SORCS2: variants seen among roughly 807,000 people sequenced by gnomAD.
The protein encoded by SORCS2 is sortilin related VPS10 domain containing receptor 2.
SORCS2 carries 100 observed loss-of-function variants against 141.6 expected under a neutral mutation model. The ratio of observed to expected loss-of-function variants is 0.71; its 90% CI spans 0.60 to 0.83. The LOEUF (loss-of-function observed/expected upper bound fraction) is 0.83. SORCS2 is among the 40% of genes least tolerant of loss of function. SORCS2 has a pLI of 0.00. For missense variants in SORCS2, 1,646 were observed against 1,560.2 expected, an observed-to-expected ratio of 1.05 and a Z score of -0.93; for synonymous variants, 789 against 676.9, an observed-to-expected ratio of 1.17 and a Z score of -2.57.
intron 3 of SORCS2, among the ~76,000 whole-genome samples, chr4:7,592,291 G>A (rs894901582): frequency 6.6e-6 from 1 of 152,040 alleles, no homozygotes; most frequent in Admixed American, 6.5e-5. Flanking sequence ...ATCTGGGCAC[G>A]CTGGTATTTT....
rs1326876338 is a variant in SORCS2 at position 7,741,794 on chromosome 4, C to T, written c.*1530C>T. On this transcript the variant is annotated 3_prime_UTR_variant, in exon 27 of 27. Transcript: ENST00000507866. ...GCAGACGTTCTCCCATCCACCATGT[C>T]TGAGCTTGGGGGAATTGCCTCATTT... 2 of 152,836 alleles carry T rather than the reference C, an allele frequency of 1.3e-5. No homozygotes were observed. Among genetic ancestry groups the T allele is most frequent in the African/African-American group, 4.8e-5 (2 of 41,468 alleles). The allele number at this position is 152,836 out of a possible 1,614,324, so 9.5% of individuals were successfully genotyped here.
intron 2 of SORCS2, among the ~76,000 whole-genome samples, chr4:7,508,778 G>T (rs1372743082): frequency 1.3e-5 from 2 of 152,208 alleles, no homozygotes; most frequent in Admixed American, 6.5e-5. Context: ...GCACGCATCA[G>T]TGCTCAGAGA....
intron 1 of SORCS2, among the ~76,000 whole-genome samples, chr4:7,375,908 T>A (rs1482947376): frequency 1.3e-5 from 2 of 152,184 alleles, no homozygotes; most frequent in Non-Finnish European, 2.9e-5. Flanking sequence ...CGCAGGTTAC[T>A]TGCCTCTCTG....
intron 3 of SORCS2, among the ~76,000 whole-genome samples, chr4:7,588,758 ACATGCATTCATTCATT>A (rs986604634): frequency 6.6e-6 from 1 of 152,180 alleles, no homozygotes; most frequent in African/African-American, 2.4e-5. Context: ...GAGAACACTG[ACATGCATTCATTCATT>A]CATGCATTCA....
At chr4:7,285,539 T>C (rs1577355621) in intron 1 of SORCS2, among the ~76,000 whole-genome samples, 1 of 152,338 alleles carries the variant, frequency 6.6e-6, no homozygotes, top group East Asian at 1.9e-4. Flanking sequence ...AATTTTCCGG[T>C]GTTCCTCCCT....
intron 1 of SORCS2, among the ~76,000 whole-genome samples, chr4:7,240,356 C>T (rs568289782): frequency 3.3e-5 from 5 of 152,328 alleles, no homozygotes; most frequent in Admixed American, 1.3e-4. Flanking sequence ...CAGCAAATTA[C>T]CTCGATGAGT....
At chr4:7,694,526 A>G (rs1336672873) in intron 11 of SORCS2, among the ~76,000 whole-genome samples, 1 of 152,056 alleles carries the variant, frequency 6.6e-6, no homozygotes, top group Non-Finnish European at 1.5e-5. Context: ...ATTTGAAATT[A>G]CAAACTGCAA....
At position 7,733,468 on chromosome 4, in the gene SORCS2, G is replaced by C. The variant is rs769818155; in HGVS notation, c.3208+47G>C. ...TGCGGAATGGGTGGAGGAGGCATCCGGGCCCTGGAGAAGCCATGTCCCTGC... is the reference window on the plus strand; with the variant it reads ...TGCGGAATGGGTGGAGGAGGCATCCCGGCCCTGGAGAAGCCATGTCCCTGC... On this transcript the variant is annotated intron_variant, in intron 24 of 26. Transcript: ENST00000507866. 15 of 1,459,298 alleles carry C rather than the reference G, an allele frequency of 1.0e-5. No homozygotes were observed. The South Asian group carries it at 1.9e-4, about 19-fold the overall frequency. The allele number at this position is 1,459,298 out of a possible 1,614,324, so 90.4% of individuals were successfully genotyped here. A position where few individuals can be genotyped will look rare whatever the true frequency, so the allele number is the denominator to read the frequency against.
At chr4:7,221,617 G>A (rs1728710110) in intron 1 of SORCS2, among the ~76,000 whole-genome samples, 1 of 152,222 alleles carries the variant, frequency 6.6e-6, no homozygotes, top group Non-Finnish European at 1.5e-5. Context: ...ACATGCTTTG[G>A]GCCCGTGAGG....
intron 3 of SORCS2, among the ~76,000 whole-genome samples, chr4:7,570,074 G>A (rs1395943290): frequency 1.3e-5 from 2 of 152,148 alleles, no homozygotes; most frequent in Admixed American, 1.3e-4. Flanking sequence ...CCCATAAATC[G>A]GATCCTGGCT....
chr4:7,344,971 C>T (rs969841089), intron 1 of SORCS2, among the ~76,000 whole-genome samples: 2 of 152,056 alleles, frequency 1.3e-5, no homozygotes, highest in Non-Finnish European at 2.9e-5. Context: ...CCCCTCCAGT[C>T]TGCTTTTGAC....
chr4:7,433,034 A>T, intron 2 of SORCS2: 1 of 289,624 alleles, frequency 3.5e-6, no homozygotes, highest in Middle Eastern at 9.5e-4. Flanking sequence ...CACCGGCAAC[A>T]TCTCAGCCTT....
chr4:7,528,315 G>T (rs940680630), intron 2 of SORCS2, among the ~76,000 whole-genome samples: 16 of 152,244 alleles, frequency 1.1e-4, no homozygotes, highest in African/African-American at 3.8e-4. Flanking sequence ...GTCTGCAGGA[G>T]TTGGACTTGG....
At chr4:7,593,327 T>C (rs1380123207) in intron 3 of SORCS2, among the ~76,000 whole-genome samples, 1 of 152,210 alleles carries the variant, frequency 6.6e-6, no homozygotes, top group Non-Finnish European at 1.5e-5. Context: ...TAGACTCTGC[T>C]GTTTAACAGG....
chr4:7,539,412 C>G (rs1216030356), intron 3 of SORCS2, among the ~76,000 whole-genome samples: 1 of 152,186 alleles, frequency 6.6e-6, no homozygotes, highest in African/African-American at 2.4e-5. Context: ...GAGGCTGTGC[C>G]CATGTCCGCT....
intron 1 of SORCS2, among the ~76,000 whole-genome samples, chr4:7,366,609 G>A (rs944065063): frequency 2.6e-5 from 4 of 151,610 alleles, no homozygotes; most frequent in African/African-American, 9.7e-5. Flanking sequence ...CATCTGCCTG[G>A]AACCTCCTCC....
intron 2 of SORCS2, among the ~76,000 whole-genome samples, chr4:7,437,754 C>T (rs1727403407): frequency 6.6e-6 from 1 of 151,982 alleles, no homozygotes. Context: ...TGTTGGATTA[C>T]TTAAAGGATG....
intron 2 of SORCS2, among the ~76,000 whole-genome samples, chr4:7,453,732 GGA>G (rs1728659967): frequency 7.6e-6 from 1 of 132,174 alleles, no homozygotes; most frequent in Non-Finnish European, 1.6e-5. Flanking sequence ...GTTGGGGTCA[GGA>G]GCTGTGTGTT....
At chr4:7,631,646 C>G (rs531964632) in intron 3 of SORCS2, among the ~76,000 whole-genome samples, 1 of 151,944 alleles carries the variant, frequency 6.6e-6, no homozygotes, top group African/African-American at 2.4e-5. Flanking sequence ...GTGACCCCCC[C>G]GGGGGGGCAG....
Sources: gnomAD v4.1 joint callset for allele counts (sites outside exome capture counted in the v4.1 genomes callset) on GRCh38, gnomAD v4.1.1 for gene constraint, MANE v1.5 for transcripts, NCBI Gene and HGNC (gene_info 2026-07-23, HGNC 2026-07-21) for gene names.